The following DAND5 variants were observed in gnomAD, a reference collection of about 807,000 sequenced individuals.
The protein encoded by DAND5 is DAN domain BMP antagonist family member 5.
DAND5 carries 8 observed loss-of-function variants against 9.2 expected under a neutral mutation model. That is an observed-to-expected ratio of 0.87 (90% CI 0.51 to 1.56). The LOEUF (loss-of-function observed/expected upper bound fraction) is 1.56, where lower values mean the gene tolerates loss of function less well. DAND5 is among the 40% of genes most tolerant of loss of function. The probability of loss-of-function intolerance (pLI) is 0.00; values close to 1 mark genes in which losing one functional copy is unlikely to be tolerated. For missense variants in DAND5, 244 were observed against 244.7 expected, an observed-to-expected ratio of 1.00 and a Z score of 0.02; for synonymous variants, 95 against 101.1, an observed-to-expected ratio of 0.94 and a Z score of 0.36.
chr19:12,970,566 ACTTTCTTTCTTTT>A (rs1336593156), intron 1 of DAND5: 4 of 470,756 alleles, frequency 8.5e-6, no homozygotes, highest in Admixed American at 7.6e-5. Flanking sequence ...TGATATACCA[ACTTTCTTTCTTTT>A]CTTTCTTTCT....
chr19:12,971,156 C>T (rs999619131), intron 1 of DAND5, among the ~76,000 whole-genome samples: 3 of 152,192 alleles, frequency 2.0e-5, no homozygotes, highest in Non-Finnish European at 2.9e-5. Context: ...TTCCGGGCTC[C>T]TGTGATACTG....
rs45513495 is a variant in DAND5 at position 12,973,519 on chromosome 19, G to A, written c.455G>A (p.Arg152His). ...CTGTGCAACAGCTGTATGCCTGCTCGCAAGCGTTGGGCACCCGTGGTCCTG... is the reference window on the plus strand; with the variant it reads ...CTGTGCAACAGCTGTATGCCTGCTCACAAGCGTTGGGCACCCGTGGTCCTG... ...LVLCNSCMPA[R>H]KRWAPVVLWC... Residue 152 changes from arginine to histidine, a missense_variant, in exon 2 of 2, where the codon CGC becomes CAC. By Grantham distance (29) the Arg-to-His change is conservative (BLOSUM62 0). Coordinates refer to ENST00000317060, the MANE Select transcript of DAND5 (RefSeq NM_152654.3). 0.013 allele frequency: 21,286 copies of A among 1,614,138 alleles called. 205 individuals are homozygous for A. The highest frequency in any genetic ancestry group is 0.015 in the Non-Finnish European group (17,852 of 1,180,032).
At chr19:12,972,323 T>C (rs2011149674) in intron 1 of DAND5, among the ~76,000 whole-genome samples, 1 of 152,072 alleles carries the variant, frequency 6.6e-6, no homozygotes, top group Non-Finnish European at 1.5e-5. Context: ...CCTCCCAAAG[T>C]GCTGGGATTA....
chr19:12,969,805 C>T lies in DAND5; in HGVS notation c.145C>T (p.Pro49Ser), dbSNP rs1365548095. ...QTWALGPGAL[P>S]PLVPASALGS... ...CTGGGCTCTGGGCCCAGGGGCCCTG[C>T]CCCCACTGGTGCCAGCTTCTGCCCT... The change falls in exon 1 of 2, where the codon CCC becomes TCC. Residue 49 changes from proline to serine, a missense_variant. Coordinates refer to ENST00000317060, the MANE Select transcript of DAND5 (RefSeq NM_152654.3). The T allele has an allele frequency of 5.0e-6, 8 of 1,602,126 alleles. No homozygotes were observed. The highest frequency in any genetic ancestry group is 4.3e-6 in the Non-Finnish European group (5 of 1,174,446).
In DAND5 at chr19:12,973,486, C is replaced by T; in HGVS notation, c.422C>T (p.Pro141Leu). 1.9e-6 allele frequency: 3 copies of T among 1,614,186 alleles called. No homozygotes were observed. The highest frequency in any genetic ancestry group is 2.2e-5 in the South Asian group (2 of 91,084). The change falls in exon 2 of 2, where the codon CCA (proline) becomes CTA (leucine). Residue 141 changes from proline to leucine, a missense_variant. Coordinates refer to ENST00000317060, the MANE Select transcript of DAND5 (RefSeq NM_152654.3). Reference protein sequence around the residue: ...SLYIPGSDPTPLVLCNSCMPA... With the variant: ...SLYIPGSDPTLLVLCNSCMPA... ...TACATCCCTGGCTCGGACCCCACCC[C>T]ACTAGTCCTGTGCAACAGCTGTATG... is the stretch of plus-strand genomic sequence containing the variant.
intron 1 of DAND5, among the ~76,000 whole-genome samples, chr19:12,970,707 G>A (rs1358510419): frequency 7.4e-6 from 1 of 135,312 alleles, no homozygotes; most frequent in African/African-American, 2.9e-5. Flanking sequence ...TTTTGAGACA[G>A]TCTCACTCTG....
At chr19:12,970,138 C>T (rs1355041638) in intron 1 of DAND5, among the ~76,000 whole-genome samples, 154 bp downstream of exon 1, 2 of 151,906 alleles carry the variant, frequency 1.3e-5, no homozygotes, top group Non-Finnish European at 2.9e-5. Context: ...CGACCCAAGC[C>T]TCCTCTATCC....
chr19:12,973,645 G>A lies in DAND5; in HGVS notation c.*11G>A, dbSNP rs367951374. ...AGCCCAAAAGCATGAACTGAGCATC[G>A]TGGATGGGTGCACGGAGACACGCAC... is the stretch of plus-strand genomic sequence containing the variant. On this transcript the variant is annotated 3_prime_UTR_variant, in exon 2 of 2. Coordinates refer to ENST00000317060, the MANE Select transcript of DAND5 (RefSeq NM_152654.3). 2.4e-5 allele frequency: 38 copies of A among 1,611,856 alleles called. No homozygotes were observed. Among genetic ancestry groups the A allele is most frequent in the East Asian group, 2.2e-4 (10 of 44,864 alleles).
At position 12,969,904 on chromosome 19, in the gene DAND5, G is replaced by A. The variant is rs1304915517; in HGVS notation, c.244G>A (p.Asp82Asn). The A allele has an allele frequency of 6.2e-7, 1 of 1,614,106 alleles. No individual in the cohort carries two copies. The highest frequency in any genetic ancestry group is 1.3e-5 in the African/African-American group (1 of 74,958). ...LGMGRLQRGQ[D>N]EVAAVTLPLN... Reference sequence around the variant, plus strand: ...GATGGGCAGGCTGCAGCGTGGGCAAGACGAGGTGGCTGCTGTGACTCTGCC... The same window carrying A: ...GATGGGCAGGCTGCAGCGTGGGCAAAACGAGGTGGCTGCTGTGACTCTGCC... Residue 82 changes from aspartate (D) to asparagine (N), a missense_variant, in exon 1 of 2, where the codon GAC becomes AAC. Transcript: ENST00000317060.
intron 1 of DAND5, among the ~76,000 whole-genome samples, chr19:12,971,873 G>A (rs2011146959): frequency 1.3e-5 from 2 of 151,774 alleles, no homozygotes; most frequent in Admixed American, 6.6e-5. Flanking sequence ...TTACAGGCGT[G>A]AGCCACCACA....
Position 12,973,388 on chromosome 19 carries a change from G to C in DAND5, c.325-1G>C. The C allele has an allele frequency of 6.2e-7, 1 of 1,613,814 alleles. No individual in the cohort carries two copies. The highest frequency in any genetic ancestry group is 8.5e-7 in the Non-Finnish European group (1 of 1,179,934). On this transcript the variant is annotated splice_acceptor_variant, in intron 1 of 1. Transcript: ENST00000317060. LOFTEE classifies it high-confidence loss of function. ...GACCGTCTCCATGCCTCCGGCCCCA[G>C]GTGTTCTCCCGGCCCGGCTGCTCAG...
In DAND5 at chr19:12,972,551, A is replaced by G. The variant is rs149631235; in HGVS notation, c.325-838A>G. 5.3e-5 allele frequency among the ~76,000 whole-genome samples: 8 copies of G among 151,178 alleles called. No individual in the cohort carries two copies. The East Asian group carries it at 1.4e-3, about 26-fold the overall frequency. On this transcript the variant is annotated intron_variant, in intron 1 of 1. Transcript: ENST00000317060. ...TCTCATTTAATTAATTTATTTGTTT[A>G]TTTATTTCGGAGACAGAGTCTCGCT... is the stretch of plus-strand genomic sequence containing the variant.
rs561929208 is a variant in DAND5, at chr19:12,970,456, G to T, written c.324+472G>T. On this transcript the variant is annotated intron_variant, in intron 1 of 1. Coordinates refer to ENST00000317060, the MANE Select transcript of DAND5 (RefSeq NM_152654.3). The stretch of plus-strand genomic sequence containing the variant: ...CTTTCTTTCTGTTTTTTTAGACACG[G>T]GAGTCTCGCTATGTTGCCCAAGCTA... 7.1e-5 allele frequency: 50 copies of T among 701,384 alleles called. No homozygotes were observed. The African/African-American group carries it at 8.4e-4, about 12-fold the overall frequency. 43.4% of individuals were successfully genotyped at this position (701,384 alleles called of 1,614,324 possible).
At position 12,974,430 on chromosome 19, in the gene DAND5, T is replaced by C. The variant is rs945072945; in HGVS notation, c.*796T>C. 9.2e-5 allele frequency: 14 copies of C among 151,552 alleles called. No homozygotes were observed. The highest frequency in any genetic ancestry group is 1.9e-4 in the Non-Finnish European group (13 of 68,014). 9.4% of individuals were successfully genotyped at this position (151,552 alleles called of 1,614,324 possible). On this transcript the variant is annotated 3_prime_UTR_variant, in exon 2 of 2. Coordinates refer to ENST00000317060, the MANE Select transcript of DAND5 (RefSeq NM_152654.3). ...AATCATTAGGCTGAACTGTCTCTTATAGAATGAGGTCAAAGACACTCCCAG... is the reference window on the plus strand; with the variant it reads ...AATCATTAGGCTGAACTGTCTCTTACAGAATGAGGTCAAAGACACTCCCAG...
intron 1 of DAND5, among the ~76,000 whole-genome samples, chr19:12,972,245 G>A (rs1206604451): frequency 1.3e-5 from 2 of 151,888 alleles, no homozygotes; most frequent in African/African-American, 4.8e-5. Flanking sequence ...ATTTTTAGTA[G>A]AGACGGGGTT....
Position 12,971,626 on chromosome 19 carries a change from C to T in DAND5, c.324+1642C>T, listed in dbSNP as rs377408699. Among the ~76,000 whole-genome samples, 9 of 151,560 alleles carry T rather than the reference C, an allele frequency of 5.9e-5. No homozygotes were observed. The South Asian group carries it at 6.3e-4, about 11-fold the overall frequency. On this transcript the variant is annotated intron_variant, in intron 1 of 1. Transcript: ENST00000317060. ...TTGTTTTTTGAGACAGAGTCTCACT[C>T]TGTCGCCTAGGCTGGAGTACAGTGG...
chr19:12,969,880 A>T lies in DAND5; in HGVS notation c.220A>T (p.Met74Leu). ...CCTGCAGAAAGCCAGGCAGCTGGGG[A>T]TGGGCAGGCTGCAGCGTGGGCAAGA... ...LGLQKARQLG[M>L]GRLQRGQDEV... The change falls in exon 1 of 2, where the codon ATG becomes TTG. Residue 74 changes from methionine to leucine, a missense_variant. Physicochemically the swap from Met to Leu is conservative, Grantham distance 15 (BLOSUM62 2). Transcript: ENST00000317060. 6.2e-7 allele frequency: 1 copy of T among 1,614,128 alleles called. No homozygotes were observed. Among genetic ancestry groups the T allele is most frequent in the Non-Finnish European group, 8.5e-7 (1 of 1,180,000 alleles).
At position 12,973,740 on chromosome 19, in the gene DAND5, C is replaced by A. The variant is rs1389990744; in HGVS notation, c.*106C>A. On this transcript the variant is annotated 3_prime_UTR_variant, in exon 2 of 2. Transcript: ENST00000317060. ...GATGATGTACTCTGGGTCAAGAGAC[C>A]AGGGATGCAGGGTTAGGCAGACAGG... is the stretch of plus-strand genomic sequence containing the variant. 7 of 1,514,134 alleles carry A rather than the reference C, an allele frequency of 4.6e-6. No homozygotes were observed. The East Asian group carries it at 1.4e-4, about 29-fold the overall frequency. 93.8% of individuals were successfully genotyped at this position (1,514,134 alleles called of 1,614,324 possible).
chr19:12,970,909 G>T (rs1294517689), intron 1 of DAND5, among the ~76,000 whole-genome samples: 1 of 152,168 alleles, frequency 6.6e-6, no homozygotes, highest in Non-Finnish European at 1.5e-5. Context: ...TCGAACTCCT[G>T]ACCTCAGGTG....
Sources: allele counts gnomAD v4.1 joint callset (sites outside exome capture counted in the v4.1 genomes callset), GRCh38; gene constraint gnomAD v4.1.1; transcripts MANE v1.5; gene names NCBI Gene and HGNC (gene_info 2026-07-23, HGNC 2026-07-21).